Variants in TRIM42 observed in about 807,000 individuals in gnomAD.
TRIM42 encodes tripartite motif containing 42.
TRIM42 carries 59 observed loss-of-function variants against 64.9 expected under a neutral mutation model. The observed-to-expected ratio is 0.91, with a 90% CI of 0.74 to 1.13. TRIM42 has a LOEUF of 1.13. TRIM42 is among the 50% of genes most tolerant of loss of function. The pLI is 0.00. For synonymous variants in TRIM42, 354 were observed against 346.3 expected (o/e 1.02, Z -0.25); for missense variants, 878 against 929.5 (o/e 0.94, Z 0.72).
chr3:140,689,307 G>C (rs534419851), intron 3 of TRIM42, among the ~76,000 whole-genome samples: 1 of 152,274 alleles, frequency 6.6e-6, no homozygotes, highest in African/African-American at 2.4e-5. Flanking sequence ...TATTCTATTA[G>C]AGTGCCTCTT....
chr3:140,698,044 T>C (rs1186529341), intron 4 of TRIM42, among the ~76,000 whole-genome samples: 4 of 152,242 alleles, frequency 2.6e-5, no homozygotes, highest in Admixed American at 6.5e-5. Context: ...AGGACTCTAT[T>C]ACATGCCATG....
intron 1 of TRIM42, among the ~76,000 whole-genome samples, chr3:140,681,246 C>T (rs575692797): frequency 1.1e-4 from 17 of 152,296 alleles, no homozygotes; most frequent in African/African-American, 1.4e-4. Flanking sequence ...CCACTATTTT[C>T]CTATACTATG....
intron 1 of TRIM42, among the ~76,000 whole-genome samples, chr3:140,682,093 C>T (rs1384730395): frequency 3.3e-5 from 5 of 152,172 alleles, no homozygotes; most frequent in African/African-American, 4.8e-5. Flanking sequence ...TAGCTGACAA[C>T]GCCAGTCTCT....
chr3:140,692,572 TAGAGAG>T (rs147431180), intron 4 of TRIM42, among the ~76,000 whole-genome samples: 1 of 56,388 alleles, frequency 1.8e-5, no homozygotes, highest in African/African-American at 5.1e-5. Context: ...CAGAGAGAGA[TAGAGAG>T]AGAGAGAGAG....
At chr3:140,681,281 C>T (rs941451132) in intron 1 of TRIM42, among the ~76,000 whole-genome samples, 2 of 152,210 alleles carry the variant, frequency 1.3e-5, no homozygotes, top group Admixed American at 6.5e-5. Context: ...CAGACATTAG[C>T]TGGCTAGTAG....
chr3:140,684,857 A>T (rs1391549703), intron 2 of TRIM42, among the ~76,000 whole-genome samples: 1 of 152,122 alleles, frequency 6.6e-6, no homozygotes, highest in African/African-American at 2.4e-5. Flanking sequence ...TGCCGCCTAC[A>T]ACCTACTGTG....
chr3:140,682,396 A>T (rs1988421774), intron 1 of TRIM42, 66 bp from the exon 2 acceptor site: 1 of 1,484,140 alleles, frequency 6.7e-7, no homozygotes, highest in South Asian at 1.3e-5. Context: ...GTTCTTTCAG[A>T]GGTAGAGAAG....
intron 4 of TRIM42, among the ~76,000 whole-genome samples, chr3:140,694,572 T>C (rs1384037894): frequency 6.6e-6 from 1 of 152,218 alleles, no homozygotes; most frequent in African/African-American, 2.4e-5. Context: ...AAGCTTCCCA[T>C]GACAAATCTA....
At chr3:140,692,621 A>G (rs887864593) in intron 4 of TRIM42, among the ~76,000 whole-genome samples, 21 of 151,746 alleles carry the variant, frequency 1.4e-4, no homozygotes, top group Non-Finnish European at 2.4e-4. Flanking sequence ...AGGATGTGAG[A>G]TGGGGAAGCC....
rs1475931529 is a variant in TRIM42, at chr3:140,688,443, C to T, written c.1761C>T (p.Ser587=). Residue 587 remains serine, a synonymous_variant, in exon 3 of 5, where the codon AGC becomes AGT. Coordinates refer to ENST00000286349, the MANE Select transcript of TRIM42 (RefSeq NM_152616.5). ...AGADSQSVQN[S]SSFHNWYSFN... The stretch of plus-strand genomic sequence containing the variant: ...CAGACAGCCAGTCTGTACAGAACAG[C>T]AGCAGCTTCCACAACTGGTACTCAT... The T allele has an allele frequency of 6.2e-7, 1 of 1,614,080 alleles. No individual in the cohort carries two copies. The highest frequency in any genetic ancestry group is 1.3e-5 in the African/African-American group (1 of 74,924).
Position 140,678,475 on chromosome 3 carries a change from C to A in TRIM42, c.246C>A (p.Ala82=). 8 of 1,614,150 alleles carry A rather than the reference C, an allele frequency of 5.0e-6. No individual in the cohort carries two copies. The highest frequency in any genetic ancestry group is 1.7e-5 in the Admixed American group (1 of 60,018). Residue 82 remains alanine (A), a synonymous_variant, in exon 1 of 5, where the codon GCC becomes GCA. Transcript: ENST00000286349. ...CCAACTGTAAGTGCTGCTGCACAGC[C>A]AGCAGCAATCTCAACTGCTACTACT... ...NDPNCKCCCT[A]SSNLNCYYYE...
intron 4 of TRIM42, among the ~76,000 whole-genome samples, chr3:140,694,876 C>G (rs1485108230): frequency 2.0e-5 from 3 of 152,168 alleles, no homozygotes; most frequent in Non-Finnish European, 4.4e-5. Flanking sequence ...TTCTGTTCCA[C>G]CTCCATCTTC....
chr3:140,695,830 A>G (rs1010105570), intron 4 of TRIM42, among the ~76,000 whole-genome samples: 2 of 152,078 alleles, frequency 1.3e-5, no homozygotes, highest in Non-Finnish European at 2.9e-5. Flanking sequence ...TTCACACTCA[A>G]AATAACTACC....
In TRIM42 at chr3:140,678,456, G is replaced by GT. The variant is rs754646403; in HGVS notation, c.228dup (p.Lys77Ter). The GT allele has an allele frequency of 1.2e-6, 2 of 1,614,170 alleles. No individual in the cohort carries two copies. Among genetic ancestry groups the GT allele is most frequent in the East Asian group, 2.2e-5 (1 of 44,888 alleles). On this transcript the variant is annotated frameshift_variant, in exon 1 of 5. Coordinates refer to ENST00000286349, the MANE Select transcript of TRIM42 (RefSeq NM_152616.5). LOFTEE classifies it high-confidence loss of function. ...TGCTCTTGGGCCAATGATCCCAACT[G>GT]TAAGTGCTGCTGCACAGCCAGCAGC...
intron 4 of TRIM42, among the ~76,000 whole-genome samples, chr3:140,699,168 A>T (rs764502008): frequency 6.6e-6 from 1 of 152,210 alleles, no homozygotes; most frequent in African/African-American, 2.4e-5. Flanking sequence ...TTCCACTTCC[A>T]TTCATGGAAT....
intron 4 of TRIM42, among the ~76,000 whole-genome samples, chr3:140,692,346 T>C (rs1254312878): frequency 6.6e-6 from 1 of 151,972 alleles, no homozygotes; most frequent in Non-Finnish European, 1.5e-5. Context: ...CTTAGTAAAA[T>C]GTTCGAGGAA....
chr3:140,697,440 T>C (rs1194769131), intron 4 of TRIM42, among the ~76,000 whole-genome samples: 1 of 152,232 alleles, frequency 6.6e-6, no homozygotes, highest in East Asian at 1.9e-4. Context: ...AAGATAACCT[T>C]CTATATATTC....
chr3:140,696,984 A>G (rs1988869351), intron 4 of TRIM42, among the ~76,000 whole-genome samples: 2 of 152,186 alleles, frequency 1.3e-5, no homozygotes, highest in South Asian at 4.1e-4. Flanking sequence ...GACCACATCC[A>G]TGTACACTTC....
At chr3:140,681,968 G>A (rs759247624) in intron 1 of TRIM42, among the ~76,000 whole-genome samples, 23 of 151,524 alleles carry the variant, frequency 1.5e-4, no homozygotes, top group Non-Finnish European at 2.8e-4. Flanking sequence ...CGTTCTTGTC[G>A]GAGTCCAAAC....
Sources: gnomAD v4.1 joint callset for allele counts (sites outside exome capture counted in the v4.1 genomes callset) on GRCh38, gnomAD v4.1.1 for gene constraint, MANE v1.5 for transcripts, NCBI Gene and HGNC (gene_info 2026-07-23, HGNC 2026-07-21) for gene names.